The following RPH3A variants were observed in gnomAD, a reference collection of about 807,000 sequenced individuals.
RPH3A encodes rabphilin-3A.
In RPH3A, 48 loss-of-function variants were observed where a neutral mutation model predicts 102.2. The observed-to-expected ratio is 0.47, with a 90% CI of 0.37 to 0.60. The LOEUF (loss-of-function observed/expected upper bound fraction) is 0.60, where lower values mean the gene tolerates loss of function less well. Ranked by LOEUF, RPH3A falls within the 20% of genes least tolerant of loss-of-function variation. The probability of loss-of-function intolerance (pLI) is 0.00; values close to 1 mark genes in which losing one functional copy is unlikely to be tolerated. For missense variants in RPH3A, 781 were observed against 910.1 expected (o/e 0.86, Z 1.83); for synonymous variants, 310 against 324.3 (o/e 0.96, Z 0.47).
At chr12:112,690,029 T>C (rs1165122429) in intron 1 of RPH3A, among the ~76,000 whole-genome samples, 1 of 152,256 alleles carries the variant, frequency 6.6e-6, no homozygotes. Flanking sequence ...TAGAATATTT[T>C]AGTTTTCTTC....
chr12:112,752,599 T>C (rs1020056520), intron 1 of RPH3A, among the ~76,000 whole-genome samples: 1 of 151,556 alleles, frequency 6.6e-6, no homozygotes, highest in Non-Finnish European at 1.5e-5. Context: ...CAAGTCTTTT[T>C]TTTTTTTTTT....
chr12:112,646,625 T>C (rs1292685464), intron 1 of RPH3A, among the ~76,000 whole-genome samples: 1 of 152,186 alleles, frequency 6.6e-6, no homozygotes, highest in East Asian at 1.9e-4. Context: ...AAAATGATTA[T>C]GTGCACAGTG....
chr12:112,656,419 T>G (rs2040011645), intron 1 of RPH3A, among the ~76,000 whole-genome samples: 1 of 152,236 alleles, frequency 6.6e-6, no homozygotes, highest in Non-Finnish European at 1.5e-5. Context: ...ATGTTGTAAT[T>G]CTTCCAGAAC....
At chr12:112,797,931 C>T (rs765096699) in intron 2 of RPH3A, among the ~76,000 whole-genome samples, 2 of 152,164 alleles carry the variant, frequency 1.3e-5, no homozygotes, top group South Asian at 2.1e-4. Flanking sequence ...TCAAGCTATC[C>T]TCCTGCCTCG....
chr12:112,795,417 T>A (rs1377498556), intron 2 of RPH3A, among the ~76,000 whole-genome samples: 1 of 152,208 alleles, frequency 6.6e-6, no homozygotes, highest in African/African-American at 2.4e-5. Flanking sequence ...TTTAAATAAT[T>A]CAGCTGCCAC....
chr12:112,580,225 C>T lies in RPH3A; in HGVS notation c.-140+4906C>T, dbSNP rs1191918055. Among the ~76,000 whole-genome samples the T allele has an allele frequency of 2.0e-5, 3 of 151,722 alleles. No individual in the cohort carries two copies. The East Asian group carries it at 5.8e-4, about 29-fold the overall frequency. On this transcript the variant is annotated intron_variant, in intron 1 of 21. Transcript: ENST00000543106. ...TCTCCGCCTCTCTCTCCACGTCTCT[C>T]TGGATTTAACATAAAATGTTCTCTT... is the stretch of plus-strand genomic sequence containing the variant.
chr12:112,832,834 C>T (rs993416333), intron 3 of RPH3A, among the ~76,000 whole-genome samples: 1 of 152,218 alleles, frequency 6.6e-6, no homozygotes, highest in East Asian at 1.9e-4. Context: ...CAGAGAGAGA[C>T]CCTTTCTCTG....
At chr12:112,736,061 A>G (rs2040667487) in intron 1 of RPH3A, among the ~76,000 whole-genome samples, 1 of 151,906 alleles carries the variant, frequency 6.6e-6, no homozygotes, top group South Asian at 2.1e-4. Context: ...ACCCCTACAC[A>G]TCCTTAAAAG....
intron 1 of RPH3A, among the ~76,000 whole-genome samples, chr12:112,595,022 A>C (rs1241366596): frequency 6.6e-6 from 1 of 152,224 alleles, no homozygotes; most frequent in Non-Finnish European, 1.5e-5. Flanking sequence ...AGCCTAGCAT[A>C]GTAATTAAGA....
At chr12:112,759,135 G>C (rs529976340) in intron 1 of RPH3A, among the ~76,000 whole-genome samples, 2 of 152,256 alleles carry the variant, frequency 1.3e-5, no homozygotes, top group Admixed American at 1.3e-4. Context: ...AAATTGTTTT[G>C]AAAGCATGCA....
chr12:112,887,677 A>G, intron 16 of RPH3A, 120 bp from the exon 17 acceptor site: 1 of 1,116,966 alleles, frequency 9.0e-7, no homozygotes, highest in Admixed American at 2.3e-5. Context: ...TAAACAGGAA[A>G]TCATATTATT....
At chr12:112,817,254 T>C (rs2041691454) in intron 2 of RPH3A, among the ~76,000 whole-genome samples, 1 of 152,152 alleles carries the variant, frequency 6.6e-6, no homozygotes, top group East Asian at 1.9e-4. Flanking sequence ...TTAGCCCTGT[T>C]TCCCCTTCCT....
chr12:112,722,664 C>T (rs2040559040), intron 1 of RPH3A, among the ~76,000 whole-genome samples: 1 of 152,120 alleles, frequency 6.6e-6, no homozygotes, highest in African/African-American at 2.4e-5. Context: ...AGATAGGAAC[C>T]CTTTGGCCAT....
chr12:112,872,148 A>T (rs1033205653), intron 10 of RPH3A, among the ~76,000 whole-genome samples: 5 of 152,172 alleles, frequency 3.3e-5, no homozygotes, highest in Non-Finnish European at 7.3e-5. Context: ...AGACATTTTT[A>T]GATTCCCACC....
intron 4 of RPH3A, among the ~76,000 whole-genome samples, chr12:112,842,494 G>A (rs566736296): frequency 8.0e-4 from 122 of 152,144 alleles, no homozygotes; most frequent in Non-Finnish European, 1.4e-3. Context: ...TGCCAGAAAA[G>A]GAATCAGAGC....
chr12:112,789,079 A>G (rs983385500), upstream of RPH3A, among the ~76,000 whole-genome samples: 1 of 152,176 alleles, frequency 6.6e-6, no homozygotes, highest in African/African-American at 2.4e-5. Flanking sequence ...AACGTCTTGA[A>G]TCCAGGAGGT....
chr12:112,597,591 C>A (rs1334118018), intron 1 of RPH3A, among the ~76,000 whole-genome samples: 2 of 152,186 alleles, frequency 1.3e-5, no homozygotes, highest in Non-Finnish European at 2.9e-5. Context: ...TTCAAAAAAA[C>A]AAACAAAAAT....
intron 1 of RPH3A, among the ~76,000 whole-genome samples, chr12:112,697,915 A>G (rs926892018): frequency 6.6e-6 from 1 of 152,120 alleles, no homozygotes; most frequent in Admixed American, 6.5e-5. Context: ...AAATTGACAA[A>G]TGAATTCTAA....
intron 16 of RPH3A, 48 bp downstream of exon 16, chr12:112,883,450 G>C: frequency 1.4e-6 from 2 of 1,413,922 alleles, no homozygotes; most frequent in Non-Finnish European, 2.0e-6. Flanking sequence ...GGAGACTCGG[G>C]GTGGGTGGAA....
Sources: gnomAD v4.1 joint callset for allele counts (sites outside exome capture counted in the v4.1 genomes callset) on GRCh38, gnomAD v4.1.1 for gene constraint, MANE v1.5 for transcripts, NCBI Gene and HGNC (gene_info 2026-07-23, HGNC 2026-07-21) for gene names.